The following STK36 variants were observed in gnomAD, a reference collection of about 807,000 sequenced individuals.
The protein encoded by STK36 is serine/threonine kinase 36.
In STK36, 116 loss-of-function variants were observed where a neutral mutation model predicts 142.2. The ratio of observed to expected loss-of-function variants is 0.82; its 90% CI spans 0.70 to 0.95. The LOEUF (loss-of-function observed/expected upper bound fraction) is 0.95. Ranked by LOEUF, STK36 falls within the 40% of genes least tolerant of loss-of-function variation. The pLI is 0.00. For synonymous variants in STK36, 619 were observed against 641.7 expected (o/e 0.96, Z 0.53); for missense variants, 1,422 against 1,617.2 (o/e 0.88, Z 2.07).
chr2:218,676,522 T>C (rs1041962520), intron 6 of STK36, among the ~76,000 whole-genome samples: 1 of 151,540 alleles, frequency 6.6e-6, no homozygotes, highest in Non-Finnish European at 1.5e-5. Flanking sequence ...TGGGGAAGCC[T>C]CAGGAAACTT....
intron 24 of STK36, 119 bp downstream of exon 24, chr2:218,697,729 G>GAT: frequency 6.3e-7 from 1 of 1,586,996 alleles, no homozygotes; most frequent in Admixed American, 1.7e-5. Context: ...TCAGGTTTAG[G>GAT]CTGGAAACCT....
At position 218,698,640 on chromosome 2, in the gene STK36, G is replaced by A; in HGVS notation, c.3096G>A (p.Leu1032=). The A allele has an allele frequency of 1.9e-6, 3 of 1,614,128 alleles. No homozygotes were observed. Among genetic ancestry groups the A allele is most frequent in the Non-Finnish European group, 2.5e-6 (3 of 1,179,998 alleles). The part of the protein sequence containing the change: ...CYHLPLMQVE[L]PISLLTRLAL... ...ATCTTCCGTTGATGCAAGTGGAGCT[G>A]CCCATCAGCCTTCTCACACGCCTGG... The change falls in exon 26 of 27, where the codon CTG becomes CTA. Residue 1032 remains leucine, a synonymous_variant. Transcript: ENST00000295709.
chr2:218,679,663 C>A lies in STK36; in HGVS notation c.882C>A (p.Pro294=), dbSNP rs2384951. 3 of 1,614,150 alleles carry A rather than the reference C, an allele frequency of 1.9e-6. No homozygotes were observed. Among genetic ancestry groups the A allele is most frequent in the Non-Finnish European group, 2.5e-6 (3 of 1,180,038 alleles). The part of the protein sequence containing the change: ...LKDEQAHRLA[P]KGNQSRILTQ... The stretch of plus-strand genomic sequence containing the variant: ...ACGAACAGGCCCATCGGTTGGCCCC[C>A]AAGGGTAATCAGTCTCGCATCTTGA... Residue 294 remains proline, a synonymous_variant, in exon 8 of 27, where the codon CCC becomes CCA. Coordinates refer to ENST00000295709, the MANE Select transcript of STK36 (RefSeq NM_015690.5).
chr2:218,676,810 G>A (rs965909327), intron 6 of STK36, among the ~76,000 whole-genome samples: 11 of 151,868 alleles, frequency 7.2e-5, no homozygotes, highest in Admixed American at 3.3e-4. Context: ...CACGACACCC[G>A]GCTAATTTTT....
At chr2:218,677,129 C>G (rs796912028) in intron 6 of STK36, among the ~76,000 whole-genome samples, 1 of 152,014 alleles carries the variant, frequency 6.6e-6, no homozygotes, top group Admixed American at 6.6e-5. Context: ...GATGAGGTTT[C>G]TCCATGTTGG....
rs773172113 is a variant in STK36, at chr2:218,692,250, T to C, written c.1872T>C (p.Leu624=). ...AGCAGGTTGTCTTGGATGGGCTCCTTCATGGCTTGACAGTTCCACAGCTCC... is the reference window on the plus strand; with the variant it reads ...AGCAGGTTGTCTTGGATGGGCTCCTCCATGGCTTGACAGTTCCACAGCTCC... ...TTQQVVLDGL[L]HGLTVPQLPV... is the part of the protein sequence containing the mutation. The change falls in exon 15 of 27, where the codon CTT becomes CTC. Residue 624 remains leucine, a synonymous_variant. Transcript: ENST00000295709. 3 of 1,614,212 alleles carry C rather than the reference T, an allele frequency of 1.9e-6. No homozygotes were observed. The highest frequency in any genetic ancestry group is 2.5e-6 in the Non-Finnish European group (3 of 1,180,036).
intron 22 of STK36, 35 bp downstream of exon 22, chr2:218,696,636 G>A (rs1381239273): frequency 1.2e-6 from 2 of 1,608,420 alleles, no homozygotes; most frequent in Non-Finnish European, 1.7e-6. Context: ...GGGAAGTAAA[G>A]AGAGAGGAAC....
At chr2:218,678,488 G>A (rs1940358343) in intron 6 of STK36, among the ~76,000 whole-genome samples, 1 of 152,172 alleles carries the variant, frequency 6.6e-6, no homozygotes, top group Admixed American at 6.5e-5. Flanking sequence ...AGATACTCAG[G>A]TATCTCCAGC....
At chr2:218,683,950 T>C (rs569862314) in intron 10 of STK36, among the ~76,000 whole-genome samples, 167 of 146,718 alleles carry the variant, frequency 1.1e-3, no homozygotes, top group Middle Eastern at 7.0e-3. Context: ...TTCCATGGTG[T>C]ATATGTGCCA....
rs1205688178 is a variant in STK36 at position 218,689,854 on chromosome 2, G to C, written c.1561-5G>C. 6.2e-7 allele frequency: 1 copy of C among 1,607,324 alleles called. No homozygotes were observed. The highest frequency in any genetic ancestry group is 1.3e-5 in the African/African-American group (1 of 74,856). On this transcript the variant is annotated splice_polypyrimidine_tract_variant and splice_region_variant and intron_variant, in intron 12 of 26. Transcript: ENST00000295709. Reference sequence around the variant, plus strand: ...CCCTTACTCTCTTCTCCTTTTCCTGGGCAGCAATCTTGGTATGGGACCTTC... The same window carrying C: ...CCCTTACTCTCTTCTCCTTTTCCTGCGCAGCAATCTTGGTATGGGACCTTC...
At chr2:218,687,661 C>T (rs1373900139) in intron 11 of STK36, among the ~76,000 whole-genome samples, 1 of 152,222 alleles carries the variant, frequency 6.6e-6, no homozygotes, top group Non-Finnish European at 1.5e-5. Context: ...TCCAGCTGCA[C>T]TACTCATTAG....
intron 14 of STK36, among the ~76,000 whole-genome samples, chr2:218,691,933 G>A (rs1358292563): frequency 6.6e-6 from 1 of 152,204 alleles, no homozygotes; most frequent in Non-Finnish European, 1.5e-5. Context: ...TCTGATCAGA[G>A]AATAGAAGGA....
rs191884676 is a variant in STK36 at position 218,680,585 on chromosome 2, C to T, written c.1137-18C>T. 3.7e-6 allele frequency: 6 copies of T among 1,604,892 alleles called. No homozygotes were observed. The African/African-American group carries it at 4.0e-5, about 11-fold the overall frequency. The stretch of plus-strand genomic sequence containing the variant: ...CATAGGTTTGGAACCCGTTCTACCC[C>T]TTGGCTTCCTCCGGCAGGGAAAACC... On this transcript the variant is annotated intron_variant, in intron 9 of 26. Coordinates refer to ENST00000295709, the MANE Select transcript of STK36 (RefSeq NM_015690.5).
chr2:218,698,515 G>T (rs550069862), intron 25 of STK36, 87 bp from the exon 26 acceptor site: 224 of 1,502,882 alleles, frequency 1.5e-4, no homozygotes, highest in Non-Finnish European at 1.9e-4. Flanking sequence ...ACCATAGCTT[G>T]GCTTTTCTCT....
intron 11 of STK36, among the ~76,000 whole-genome samples, chr2:218,686,473 G>T (rs886514446): frequency 1.3e-5 from 2 of 152,022 alleles, no homozygotes; most frequent in Non-Finnish European, 2.9e-5. Flanking sequence ...TGCCCAGGCT[G>T]GTCTGGAACT....
Position 218,679,726 on chromosome 2 carries a change from G to A in STK36, c.945G>A (p.Gln315=), listed in dbSNP as rs1940424342. 6.2e-7 allele frequency: 1 copy of A among 1,614,250 alleles called. No homozygotes were observed. The highest frequency in any genetic ancestry group is 1.1e-5 in the South Asian group (1 of 91,090). The part of the protein sequence containing the change: ...AYKRMAEEAM[Q]KKHQNTGPAL... ...AACGCATGGCTGAGGAGGCCATGCA[G>A]AAGGTGTGTGGGGCAGAGGAAAATA... The change falls in exon 8 of 27, where the codon CAG becomes CAA. Residue 315 remains glutamine (Q), a synonymous_variant. Coordinates refer to ENST00000295709, the MANE Select transcript of STK36 (RefSeq NM_015690.5).
intron 3 of STK36, 35 bp from the exon 4 acceptor site, chr2:218,673,844 C>T (rs1940104401): frequency 1.2e-6 from 2 of 1,614,050 alleles, no homozygotes; most frequent in African/African-American, 1.3e-5. Flanking sequence ...ATGCATGAAT[C>T]TGGAGCCATC....
In STK36 at chr2:218,679,877, C is replaced by T. The variant is rs752156861; in HGVS notation, c.949-16C>T. On this transcript the variant is annotated splice_polypyrimidine_tract_variant and intron_variant, in intron 8 of 26. Coordinates refer to ENST00000295709, the MANE Select transcript of STK36 (RefSeq NM_015690.5). ...TCAAATAGCTCTGATTCAGTGTTGC[C>T]CCCTACCTCCCACAGAAACATCAGA... 19 of 1,611,164 alleles carry T rather than the reference C, an allele frequency of 1.2e-5. No individual in the cohort carries two copies. Among genetic ancestry groups the T allele is most frequent in the Non-Finnish European group, 1.4e-5 (16 of 1,178,234 alleles).
intron 11 of STK36, among the ~76,000 whole-genome samples, chr2:218,688,116 C>A (rs913875086): frequency 6.6e-6 from 1 of 152,202 alleles, no homozygotes; most frequent in African/African-American, 2.4e-5. Context: ...GCCAAGATTG[C>A]ACCATTACAC....
Sources: gnomAD v4.1 joint callset for allele counts (sites outside exome capture counted in the v4.1 genomes callset) on GRCh38, gnomAD v4.1.1 for gene constraint, MANE v1.5 for transcripts, NCBI Gene and HGNC (gene_info 2026-07-23, HGNC 2026-07-21) for gene names.